Variants in ARHGEF10L observed in about 807,000 individuals in gnomAD.
ARHGEF10L encodes Rho guanine nucleotide exchange factor 10 like.
In ARHGEF10L, 69 loss-of-function variants were observed where a neutral mutation model predicts 141.2. The ratio of observed to expected loss-of-function variants is 0.49; its 90% CI spans 0.40 to 0.60. ARHGEF10L has a LOEUF of 0.60. Among genes scored for constraint, ARHGEF10L ranks in the 20% least tolerant of loss-of-function variants. The probability of loss-of-function intolerance (pLI) is 0.00; values close to 1 mark genes in which losing one functional copy is unlikely to be tolerated. For synonymous variants in ARHGEF10L, 711 were observed against 718.5 expected (o/e 0.99, Z 0.17); for missense variants, 1,482 against 1,734.3 (o/e 0.85, Z 2.58).
chr1:17,529,278 C>T, the ARHGEF10L span, among the ~76,000 whole-genome samples: 1 of 152,222 alleles, frequency 6.6e-6, no homozygotes, highest in Non-Finnish European at 1.5e-5. Context: ...GCTGGGTTTA[C>T]AGGCACGAGT....
rs1035695900 is a variant in ARHGEF10L, at chr1:17,619,731, G to A, written c.942+286G>A. Among the ~76,000 whole-genome samples, 1 of 152,164 alleles carries A rather than the reference G, an allele frequency of 6.6e-6. No individual in the cohort carries two copies. Among genetic ancestry groups the A allele is most frequent in the East Asian group, 1.9e-4 (1 of 5,176 alleles). On this transcript the variant is annotated intron_variant, in intron 10 of 28. Coordinates refer to ENST00000361221, the MANE Select transcript of ARHGEF10L (RefSeq NM_018125.4). This position sits in a 1 kb window ranked among gnomAD's most constrained non-coding sequence, Gnocchi z 5.0. ...ACTCCATGGCATGCAGAGCAGTCCC[G>A]TTGGCTGTTTCTGACTAAGGTGTCA...
At chr1:17,553,661 C>T (rs2077197140) in intron 1 of ARHGEF10L, among the ~76,000 whole-genome samples, 1 of 152,034 alleles carries the variant, frequency 6.6e-6, no homozygotes. Flanking sequence ...TGATGGTGGG[C>T]ACCTGTAGTC....
chr1:17,632,276 G>T (rs776856442), intron 15 of ARHGEF10L, 45 bp from the exon 16 acceptor site: 9 of 1,606,354 alleles, frequency 5.6e-6, no homozygotes, highest in African/African-American at 4.0e-5. Flanking sequence ...CGGTAAAGCC[G>T]CCGGGCCGCG....
At chr1:17,586,970 C>G (rs967519623) in intron 2 of ARHGEF10L, among the ~76,000 whole-genome samples, 4 of 152,174 alleles carry the variant, frequency 2.6e-5, no homozygotes, top group Non-Finnish European at 5.9e-5. Flanking sequence ...TGGCTGCCTC[C>G]AAGTCCAGGC....
chr1:17,620,528 G>A (rs1405802834), intron 10 of ARHGEF10L, among the ~76,000 whole-genome samples: 1 of 152,216 alleles, frequency 6.6e-6, no homozygotes, highest in Non-Finnish European at 1.5e-5. Context: ...GTTGACAATG[G>A]ATCAACAATG....
intron 22 of ARHGEF10L, among the ~76,000 whole-genome samples, chr1:17,649,116 G>T (rs1338805749): frequency 6.6e-6 from 1 of 152,164 alleles, no homozygotes; most frequent in Non-Finnish European, 1.5e-5. Context: ...TGTGCCCCCT[G>T]GTTCTTTCCT....
intron 2 of ARHGEF10L, among the ~76,000 whole-genome samples, chr1:17,582,410 T>C (rs535951247): frequency 1.4e-4 from 21 of 152,396 alleles, no homozygotes; most frequent in Admixed American, 9.1e-4. Flanking sequence ...TAGTATCATC[T>C]GGGTGAACCC....
At position 17,640,591 on chromosome 1, in the gene ARHGEF10L, A is replaced by G. The variant is rs7518672; in HGVS notation, c.2272+289A>G. Among the ~76,000 whole-genome samples, 20,692 of 152,198 alleles carry G rather than the reference A, an allele frequency of 0.14. 1,645 individuals carry two copies. Among genetic ancestry groups the G allele is most frequent in the African/African-American group, 0.18 (7,624 of 41,496 alleles). ...GTTGCCAGGGACCTGAGAGGAGAGG[A>G]TAATGGAGAATGACTGCTAGACTGC... On this transcript the variant is annotated intron_variant, in intron 21 of 28. Transcript: ENST00000361221.
intron 26 of ARHGEF10L, among the ~76,000 whole-genome samples, chr1:17,670,444 AT>A (rs1415938116): frequency 6.6e-6 from 1 of 152,210 alleles, no homozygotes; most frequent in Non-Finnish European, 1.5e-5. Context: ...TCAAAGTCTA[AT>A]CCAGTCGTTT....
In ARHGEF10L at chr1:17,621,871, G is replaced by A. The variant is rs754179196; in HGVS notation, c.950G>A (p.Arg317Gln). 4.3e-6 allele frequency: 7 copies of A among 1,614,030 alleles called. No homozygotes were observed. The highest frequency in any genetic ancestry group is 1.1e-5 in the South Asian group (1 of 91,080). ...PEGLSPQQVV[R>Q]RHILGSIVQS... The stretch of plus-strand genomic sequence containing the variant: ...GCTTTTTGGCCCGAGCAGGTGGTCC[G>A]GAGGCATATCCTGGGCTCCATCGTG... The change falls in exon 11 of 29, where the codon CGG becomes CAG. Residue 317 changes from arginine to glutamine, a missense_variant. Physicochemically the swap from Arg to Gln is conservative, Grantham distance 43. This residue lies in a region of ARHGEF10L where 392 missense variants were observed against 542.1 expected (regional missense o/e 0.72). Transcript: ENST00000361221. The surrounding 1 kb of genome is among the most constrained non-coding windows in gnomAD (Gnocchi z 4.1).
chr1:17,634,755 T>C, intron 17 of ARHGEF10L, 80 bp from the exon 18 acceptor site: 1 of 1,488,568 alleles, frequency 6.7e-7, no homozygotes, highest in Non-Finnish European at 9.0e-7. Flanking sequence ...TGAGCTGGTG[T>C]GGAGGAGCAA....
intron 11 of ARHGEF10L, among the ~76,000 whole-genome samples, chr1:17,622,503 C>T (rs2060158155): frequency 6.6e-6 from 1 of 152,074 alleles, no homozygotes; most frequent in Non-Finnish European, 1.5e-5. Context: ...GTAAGGCCAC[C>T]AGGGTGGGGA....
intron 25 of ARHGEF10L, among the ~76,000 whole-genome samples, chr1:17,657,500 C>A (rs2062342871): frequency 6.6e-6 from 1 of 152,146 alleles, no homozygotes; most frequent in Admixed American, 6.5e-5. Flanking sequence ...GGCAGAGGAG[C>A]CTGAAGGGCC....
At chr1:17,566,423 G>A (rs2100275207) in intron 1 of ARHGEF10L, among the ~76,000 whole-genome samples, 1 of 152,354 alleles carries the variant, frequency 6.6e-6, no homozygotes, top group African/African-American at 2.4e-5. Flanking sequence ...AAGGTGGGAT[G>A]GAAATTTTGA....
At chr1:17,655,664 C>T (rs1242355330) in intron 23 of ARHGEF10L, among the ~76,000 whole-genome samples, 1 of 152,260 alleles carries the variant, frequency 6.6e-6, no homozygotes, top group Non-Finnish European at 1.5e-5. Context: ...ATTTAGTCCA[C>T]CTTAGCTCCT....
intron 25 of ARHGEF10L, among the ~76,000 whole-genome samples, chr1:17,660,271 G>A (rs916886060): frequency 6.6e-6 from 1 of 152,192 alleles, no homozygotes; most frequent in African/African-American, 2.4e-5. Context: ...CCCCCTTGAG[G>A]AGGCAGATGG....
intron 21 of ARHGEF10L, among the ~76,000 whole-genome samples, chr1:17,641,370 G>A (rs1227071334): frequency 2.0e-5 from 3 of 152,142 alleles, no homozygotes; most frequent in African/African-American, 4.8e-5. Flanking sequence ...AGTGGCTCAC[G>A]CCTGTAATCC....
At chr1:17,556,117 G>C (rs1160642745) in intron 1 of ARHGEF10L, among the ~76,000 whole-genome samples, 8 of 93,884 alleles carry the variant, frequency 8.5e-5, no homozygotes, top group Non-Finnish European at 1.5e-4. Context: ...GAGCATGGGG[G>C]GGGCCTGGAA....
chr1:17,624,729 T>A lies in ARHGEF10L; in HGVS notation c.1317+226T>A, dbSNP rs574716082. Reference sequence around the variant, plus strand: ...GTAAGCAACTGGGATCCTGGAGCTTTGGCAGGGTGGAGGGAAGACCTGTGT... The same window carrying A: ...GTAAGCAACTGGGATCCTGGAGCTTAGGCAGGGTGGAGGGAAGACCTGTGT... On this transcript the variant is annotated intron_variant, in intron 13 of 28. Coordinates refer to ENST00000361221, the MANE Select transcript of ARHGEF10L (RefSeq NM_018125.4). 6.4e-4 allele frequency among the ~76,000 whole-genome samples: 97 copies of A among 152,274 alleles called. No homozygotes were observed. In the Middle Eastern group the frequency reaches 0.02, roughly 32 times the overall value.
Sources: allele counts gnomAD v4.1 joint callset (sites outside exome capture counted in the v4.1 genomes callset), GRCh38; gene constraint gnomAD v4.1.1; regional missense constraint gnomAD v4.1.1; non-coding constraint Gnocchi (gnomAD v3.1); transcripts MANE v1.5; gene names NCBI Gene and HGNC (gene_info 2026-07-23, HGNC 2026-07-21).